DCC: variants seen among roughly 807,000 people sequenced by gnomAD.
DCC encodes the protein netrin receptor DCC.
A neutral mutation model predicts 172.5 loss-of-function variants in DCC; 58 were observed. The ratio of observed to expected loss-of-function variants is 0.34; its 90% CI spans 0.27 to 0.42. The LOEUF is 0.42. DCC is among the 10% of genes least tolerant of loss of function. DCC has a pLI of 1.00. For missense variants in DCC, 1,740 were observed against 1,791.0 expected, an observed-to-expected ratio of 0.97 and a Z score of 0.51; for synonymous variants, 709 against 644.5, an observed-to-expected ratio of 1.10 and a Z score of -1.52.
chr18:52,999,118 A>G (rs2041526995), intron 5 of DCC, among the ~76,000 whole-genome samples: 1 of 152,038 alleles, frequency 6.6e-6, no homozygotes, highest in African/African-American at 2.4e-5. Flanking sequence ...TGCTTTTTAA[A>G]CCACTTCTGC....
chr18:53,348,564 G>A (rs960212723), intron 15 of DCC, among the ~76,000 whole-genome samples: 14 of 152,186 alleles, frequency 9.2e-5, no homozygotes, highest in African/African-American at 3.4e-4. Flanking sequence ...CAGTGCCCCA[G>A]TAGGGACTCT....
chr18:52,571,741 G>T (rs1361309290), intron 1 of DCC, among the ~76,000 whole-genome samples: 1 of 152,140 alleles, frequency 6.6e-6, no homozygotes, highest in Admixed American at 6.6e-5. Flanking sequence ...CCATACCAGG[G>T]ACTCAGCTTC....
intron 5 of DCC, among the ~76,000 whole-genome samples, chr18:52,987,382 G>A (rs1293651554): frequency 6.6e-6 from 1 of 152,104 alleles, no homozygotes; most frequent in Non-Finnish European, 1.5e-5. Context: ...AGATTTCCAA[G>A]AAACTCTTTG....
At chr18:53,006,008 G>C (rs2041639861) in intron 5 of DCC, among the ~76,000 whole-genome samples, 1 of 152,308 alleles carries the variant, frequency 6.6e-6, no homozygotes, top group Non-Finnish European at 1.5e-5. Context: ...GTTGCTGGAT[G>C]AGACAATGAC....
chr18:53,498,695 A>G (rs1482304534), intron 26 of DCC, among the ~76,000 whole-genome samples: 1 of 152,210 alleles, frequency 6.6e-6, no homozygotes, highest in Non-Finnish European at 1.5e-5. Flanking sequence ...CAAAGAGGAA[A>G]AATTGCAATT....
At chr18:53,463,250 A>T (rs1222336356) in intron 24 of DCC, among the ~76,000 whole-genome samples, 2 of 152,170 alleles carry the variant, frequency 1.3e-5, no homozygotes, top group African/African-American at 4.8e-5. Context: ...ATATACTGAG[A>T]TGACATTAAG....
chr18:52,618,494 A>G (rs757370931), intron 1 of DCC, among the ~76,000 whole-genome samples: 5 of 152,184 alleles, frequency 3.3e-5, no homozygotes, highest in Non-Finnish European at 5.9e-5. Context: ...GATAAATGTA[A>G]TAACTATCCC....
intron 27 of DCC, among the ~76,000 whole-genome samples, chr18:53,501,788 A>C (rs983990546): frequency 6.6e-6 from 1 of 152,214 alleles, no homozygotes; most frequent in Non-Finnish European, 1.5e-5. Context: ...TTGGAAGTCA[A>C]CCTATGCTCT....
At chr18:52,751,700 A>G (rs1417932931) in intron 1 of DCC, among the ~76,000 whole-genome samples, 1 of 152,226 alleles carries the variant, frequency 6.6e-6, no homozygotes, top group African/African-American at 2.4e-5. Flanking sequence ...TACCACACTA[A>G]TAACTATTGC....
intron 2 of DCC, among the ~76,000 whole-genome samples, chr18:52,798,047 C>T (rs1241577323): frequency 6.7e-6 from 1 of 149,920 alleles, no homozygotes; most frequent in African/African-American, 2.4e-5. Flanking sequence ...GTTGCTTGCA[C>T]GAAGGTTGCT....
chr18:52,514,928 C>A (rs1598879730), intron 1 of DCC, among the ~76,000 whole-genome samples: 1 of 152,140 alleles, frequency 6.6e-6, no homozygotes, highest in South Asian at 2.1e-4. Context: ...TCTTTCCCAG[C>A]AAACAGAAAA....
intron 1 of DCC, among the ~76,000 whole-genome samples, chr18:52,483,839 G>A (rs908830619): frequency 2.0e-5 from 3 of 151,828 alleles, no homozygotes; most frequent in Admixed American, 6.6e-5. Context: ...CCTATTCTTC[G>A]AATGTTGGAT....
chr18:52,538,527 A>G (rs1407069893), intron 1 of DCC, among the ~76,000 whole-genome samples: 2 of 152,124 alleles, frequency 1.3e-5, no homozygotes, highest in Non-Finnish European at 1.5e-5. Context: ...TCTATTATTT[A>G]GTACATAATA....
At chr18:53,521,397 A>T (rs935709025) in intron 27 of DCC, among the ~76,000 whole-genome samples, 1 of 152,126 alleles carries the variant, frequency 6.6e-6, no homozygotes, top group Admixed American at 6.6e-5. Context: ...ATAGTGCAAT[A>T]CACCTAAGTG....
At chr18:52,824,791 C>T (rs144794855) in intron 2 of DCC, among the ~76,000 whole-genome samples, 10 of 151,864 alleles carry the variant, frequency 6.6e-5, no homozygotes, top group Admixed American at 3.3e-4. Flanking sequence ...GCCAACATAG[C>T]GAAACCCCGT....
At chr18:53,450,144 CACACACACAT>C (rs1229690549) in intron 22 of DCC, among the ~76,000 whole-genome samples, 2 of 124,816 alleles carry the variant, frequency 1.6e-5, no homozygotes, top group South Asian at 3.0e-4. Context: ...TATATATATA[CACACACACAT>C]ACACACATAC....
At chr18:52,916,783 A>G (rs2040047352) in intron 3 of DCC, among the ~76,000 whole-genome samples, 1 of 152,150 alleles carries the variant, frequency 6.6e-6, no homozygotes, top group African/African-American at 2.4e-5. Context: ...TTCCAACTAC[A>G]TGTTTGTTTG....
At chr18:52,681,549 T>A (rs1416609744) in intron 1 of DCC, among the ~76,000 whole-genome samples, 2 of 152,068 alleles carry the variant, frequency 1.3e-5, no homozygotes, top group African/African-American at 2.4e-5. Flanking sequence ...GGGGAGAAAT[T>A]ATCCTTTGTT....
intron 2 of DCC, among the ~76,000 whole-genome samples, chr18:52,778,296 A>G (rs2037470289): frequency 6.6e-6 from 1 of 152,242 alleles, no homozygotes; most frequent in African/African-American, 2.4e-5. Context: ...AAGAACTTGT[A>G]ACACTTTCTT....
Sources: allele counts gnomAD v4.1 joint callset (sites outside exome capture counted in the v4.1 genomes callset), GRCh38; gene constraint gnomAD v4.1.1; transcripts MANE v1.5; gene names NCBI Gene and HGNC (gene_info 2026-07-23, HGNC 2026-07-21).